Variants in SYNPR observed in about 807,000 individuals in gnomAD.
The protein encoded by SYNPR is synaptoporin.
In SYNPR, 23 loss-of-function variants were observed where a neutral mutation model predicts 32.9. The ratio of observed to expected loss-of-function variants is 0.70; its 90% CI spans 0.50 to 0.99. SYNPR has a LOEUF of 0.99. Among genes scored for constraint, SYNPR ranks in the 50% least tolerant of loss-of-function variants. The probability of loss-of-function intolerance (pLI) is 0.00; values close to 1 mark genes in which losing one functional copy is unlikely to be tolerated. For synonymous variants in SYNPR, 146 were observed against 135.9 expected, an observed-to-expected ratio of 1.07 and a Z score of -0.52; for missense variants, 318 against 349.3, an observed-to-expected ratio of 0.91 and a Z score of 0.71.
chr3:63,335,951 T>C (rs1294552929), intron 2 of SYNPR, among the ~76,000 whole-genome samples: 1 of 152,012 alleles, frequency 6.6e-6, no homozygotes, highest in East Asian at 1.9e-4. Context: ...TAATTTTGTA[T>C]TTGTAATAGA....
At chr3:63,492,104 A>G (rs907042659) in intron 3 of SYNPR, among the ~76,000 whole-genome samples, 2 of 152,104 alleles carry the variant, frequency 1.3e-5, no homozygotes, top group South Asian at 4.1e-4. Flanking sequence ...CACCAAAGCA[A>G]CAAGAGAAAG....
At chr3:63,387,411 T>C (rs1241323703) in intron 2 of SYNPR, among the ~76,000 whole-genome samples, 1 of 152,232 alleles carries the variant, frequency 6.6e-6, no homozygotes, top group Non-Finnish European at 1.5e-5. Context: ...CATGTCTGTC[T>C]TAATGACCTC....
At chr3:63,534,087 A>T (rs1702159111) in intron 3 of SYNPR, among the ~76,000 whole-genome samples, 1 of 152,208 alleles carries the variant, frequency 6.6e-6, no homozygotes, top group Admixed American at 6.5e-5. Flanking sequence ...CAAGTACAAC[A>T]CATTTAGACA....
At chr3:63,609,441 G>A in intron 5 of SYNPR, 125 bp downstream of exon 5, 14 of 753,654 alleles carry the variant, frequency 1.9e-5, no homozygotes, top group Non-Finnish European at 2.6e-5. Context: ...CAAAAGGTGA[G>A]ATACTTCACC....
At chr3:63,492,043 T>A (rs955263492) in intron 3 of SYNPR, among the ~76,000 whole-genome samples, 25 of 152,048 alleles carry the variant, frequency 1.6e-4, no homozygotes, top group African/African-American at 5.6e-4. Context: ...AGAGGAGGCG[T>A]CTAGTGAGTT....
intron 2 of SYNPR, among the ~76,000 whole-genome samples, chr3:63,323,149 G>A (rs1445989624): frequency 1.3e-5 from 2 of 152,194 alleles, no homozygotes; most frequent in Middle Eastern, 3.4e-3. Context: ...TGTGGAGTTT[G>A]CTGGGGAAGA....
chr3:63,332,917 G>C (rs2087245570), intron 2 of SYNPR, among the ~76,000 whole-genome samples: 1 of 152,124 alleles, frequency 6.6e-6, no homozygotes, highest in Admixed American at 6.5e-5. Flanking sequence ...TGGGATGGCA[G>C]TGGCATCCCA....
At chr3:63,264,927 G>GGGT (rs1553862065) in intron 2 of SYNPR, among the ~76,000 whole-genome samples, 1,998 of 12,958 alleles carry the variant, frequency 0.15, 40 homozygotes, top group African/African-American at 0.26. Flanking sequence ...TCAGAATCAT[G>GGGT]GGGGAGCCAT....
At chr3:63,277,438 A>G (rs1469655930), upstream of SYNPR, among the ~76,000 whole-genome samples, 1 of 152,160 alleles carries the variant, frequency 6.6e-6, no homozygotes, top group African/African-American at 2.4e-5. Flanking sequence ...AAAACAGTCT[A>G]ACTTTGGAGG....
At chr3:63,273,357 T>G (rs995441490), upstream of SYNPR, among the ~76,000 whole-genome samples, 1 of 152,210 alleles carries the variant, frequency 6.6e-6, no homozygotes, top group African/African-American at 2.4e-5. Context: ...TTTTCTCATC[T>G]GCATAATGGA....
intron 5 of SYNPR, among the ~76,000 whole-genome samples, chr3:63,610,861 G>C (rs1399413998): frequency 6.6e-6 from 1 of 152,110 alleles, no homozygotes; most frequent in Non-Finnish European, 1.5e-5. Flanking sequence ...TAGACTAAAA[G>C]ATGGAAATTA....
intron 4 of SYNPR, among the ~76,000 whole-genome samples, chr3:63,563,602 CCT>C (rs1288864363): frequency 6.6e-6 from 1 of 152,130 alleles, no homozygotes; most frequent in Non-Finnish European, 1.5e-5. Context: ...TCCCCATTCT[CCT>C]CTCTCCTGTT....
chr3:63,386,031 T>G (rs2107076351), intron 2 of SYNPR, among the ~76,000 whole-genome samples: 1 of 152,340 alleles, frequency 6.6e-6, no homozygotes, highest in South Asian at 2.1e-4. Flanking sequence ...TCATCTTTAT[T>G]TTATCTCCTG....
chr3:63,211,179 T>G, the SYNPR span, among the ~76,000 whole-genome samples: 6 of 152,276 alleles, frequency 3.9e-5, no homozygotes, highest in Non-Finnish European at 7.4e-5. Context: ...AGCAGTTCCC[T>G]GCCTCAGCCT....
chr3:63,461,022 T>A lies in SYNPR; in HGVS notation c.85-19810T>A, dbSNP rs9809813. Among the ~76,000 whole-genome samples the A allele has an allele frequency of 9.7e-3, 1,473 of 151,984 alleles. 14 individuals are homozygous for A. The highest frequency in any genetic ancestry group is 0.033 in the African/African-American group (1,385 of 41,476). On this transcript the variant is annotated intron_variant, in intron 2 of 5. Coordinates refer to ENST00000478300, the MANE Select transcript of SYNPR (RefSeq NM_001130003.2). ...CTGAATGAGATGATGGAAAGAGACA[T>A]GCAGGATGACTCTCAGGTTTGTTTT...
At chr3:63,501,723 A>G (rs2106737499) in intron 3 of SYNPR, among the ~76,000 whole-genome samples, 1 of 152,240 alleles carries the variant, frequency 6.6e-6, no homozygotes, top group East Asian at 1.9e-4. Flanking sequence ...GTTGTAGAAA[A>G]TTCTGTATCT....
chr3:63,443,025 G>C, intron 2 of SYNPR: 3 of 998,122 alleles, frequency 3.0e-6, no homozygotes, highest in Non-Finnish European at 3.6e-6. Context: ...GGAGGGGGCT[G>C]GCAGAGTAAA....
intron 4 of SYNPR, among the ~76,000 whole-genome samples, chr3:63,600,858 A>C (rs1469035523): frequency 1.3e-5 from 2 of 152,202 alleles, no homozygotes; most frequent in South Asian, 2.1e-4. Flanking sequence ...GCAGTTCTTC[A>C]TAGCAACATA....
In SYNPR at chr3:63,331,339, C is replaced by A. The variant is rs373802333; in HGVS notation, c.84+52597C>A. On this transcript the variant is annotated intron_variant, in intron 2 of 5. Transcript: ENST00000478300. ...CTTCTAAGGCAGCCACAAATAAATGCCTTTTAGATAATAAAGCATAACCAC... is the reference window on the plus strand; with the variant it reads ...CTTCTAAGGCAGCCACAAATAAATGACTTTTAGATAATAAAGCATAACCAC... 2.1e-3 allele frequency among the ~76,000 whole-genome samples: 315 copies of A among 152,194 alleles called. 4 individuals carry two copies. Among genetic ancestry groups the A allele is most frequent in the African/African-American group, 6.8e-3 (284 of 41,536 alleles).
Sources: gnomAD v4.1 joint callset for allele counts (sites outside exome capture counted in the v4.1 genomes callset) on GRCh38, gnomAD v4.1.1 for gene constraint, MANE v1.5 for transcripts, NCBI Gene and HGNC (gene_info 2026-07-23, HGNC 2026-07-21) for gene names.